The following GPSM2 variants were observed in gnomAD, a reference collection of about 807,000 sequenced individuals.
GPSM2 encodes G protein-signaling modulator 2.
Under a neutral mutation model 78.4 loss-of-function variants are expected in GPSM2, and 58 were observed. The observed-to-expected ratio is 0.74, with a 90% CI of 0.60 to 0.92. GPSM2 has a LOEUF of 0.92. GPSM2 is among the 40% of genes least tolerant of loss of function. The probability of loss-of-function intolerance (pLI) is 0.00; values close to 1 mark genes in which losing one functional copy is unlikely to be tolerated. For synonymous variants in GPSM2, 224 were observed against 280.2 expected, an observed-to-expected ratio of 0.80 and a Z score of 2.00; for missense variants, 700 against 815.5, an observed-to-expected ratio of 0.86 and a Z score of 1.73.
At position 108,932,856 on chromosome 1, in the gene GPSM2, G is replaced by C. The variant is rs1331490130; in HGVS notation, c.*2916G>C. The C allele has an allele frequency of 6.6e-6, 1 of 152,318 alleles. No individual in the cohort carries two copies. Among genetic ancestry groups the C allele is most frequent in the East Asian group, 1.9e-4 (1 of 5,188 alleles). The allele number at this position is 152,318 out of a possible 1,614,324, so 9.4% of individuals were successfully genotyped here. On this transcript the variant is annotated 3_prime_UTR_variant, in exon 15 of 15. Coordinates refer to ENST00000264126, the MANE Select transcript of GPSM2 (RefSeq NM_013296.5). ...ATTTCTTAGAAAAAATCACGTTTCTGATGAAATTCTAAAGATGTTTGCAAT... is the reference window on the plus strand; with the variant it reads ...ATTTCTTAGAAAAAATCACGTTTCTCATGAAATTCTAAAGATGTTTGCAAT...
chr1:108,907,999 G>C (rs1380962179), intron 10 of GPSM2, among the ~76,000 whole-genome samples: 2 of 152,228 alleles, frequency 1.3e-5, no homozygotes, highest in African/African-American at 4.8e-5. Context: ...TTCATCTAAT[G>C]CAATATTTTG....
intron 2 of GPSM2, among the ~76,000 whole-genome samples, chr1:108,894,105 A>C (rs1648178464): frequency 6.6e-6 from 1 of 152,336 alleles, no homozygotes; most frequent in Admixed American, 6.5e-5. Context: ...TATACATAGA[A>C]TATGACAATA....
rs892579833 is a variant in GPSM2, at chr1:108,897,877, T to C, written c.415-82T>C. 43 of 1,447,628 alleles carry C rather than the reference T, an allele frequency of 3.0e-5. 2 individuals carry two copies. Among genetic ancestry groups the C allele is most frequent in the Middle Eastern group, 4.4e-4 (2 of 4,498 alleles). 89.7% of individuals were successfully genotyped at this position (1,447,628 alleles called of 1,614,324 possible). A position where few individuals can be genotyped will look rare whatever the true frequency, so the allele number is the denominator to read the frequency against. ...TATAAAAATTTTTTTCCCTTGTCCG[T>C]AATACTAAGGATATTACAAATATAT... On this transcript the variant is annotated intron_variant, in intron 4 of 14. Coordinates refer to ENST00000264126, the MANE Select transcript of GPSM2 (RefSeq NM_013296.5).
chr1:108,898,624 CT>C lies in GPSM2; in HGVS notation c.558-13del. 2 of 1,612,422 alleles carry C rather than the reference CT, an allele frequency of 1.2e-6. No homozygotes were observed. The highest frequency in any genetic ancestry group is 8.5e-7 in the Non-Finnish European group (1 of 1,178,804). ...GTTCTGCAAACTTATTTTTTCATCA[CT>C]TTTTGCGATCCCTTAGGGAAAACCT... is the stretch of plus-strand genomic sequence containing the variant. On this transcript the variant is annotated splice_polypyrimidine_tract_variant and intron_variant, in intron 5 of 14. Coordinates refer to ENST00000264126, the MANE Select transcript of GPSM2 (RefSeq NM_013296.5).
At chr1:108,879,851 C>T (rs1391366083) in intron 1 of GPSM2, among the ~76,000 whole-genome samples, 1 of 152,170 alleles carries the variant, frequency 6.6e-6, no homozygotes. Flanking sequence ...ATATATGCTT[C>T]TGCCACATGT....
chr1:108,906,319 C>A lies in GPSM2; in HGVS notation c.1192+2065C>A, dbSNP rs1387164840. ...TCTCGAACTCTTGTCCTCAAGAGAT[C>A]TTCCCACCTCAGCTTCTCAAGTAGC... On this transcript the variant is annotated intron_variant, in intron 10 of 14. Transcript: ENST00000264126. Among the ~76,000 whole-genome samples the A allele has an allele frequency of 1.2e-4, 18 of 152,098 alleles. No individual in the cohort carries two copies. The East Asian group carries it at 3.3e-3, about 28-fold the overall frequency.
Position 108,917,119 on chromosome 1 carries a change from G to A in GPSM2, c.1264-1494G>A, listed in dbSNP as rs942117857. Among the ~76,000 whole-genome samples, 11 of 152,176 alleles carry A rather than the reference G, an allele frequency of 7.2e-5. No individual in the cohort carries two copies. The South Asian group carries it at 8.3e-4, about 11-fold the overall frequency. On this transcript the variant is annotated intron_variant, in intron 11 of 14. Transcript: ENST00000264126. ...GAACATTTTTAATTTTTCTTCTTGG[G>A]TTTTGGGTGCAGTTTTATGTTCTCA...
chr1:108,887,617 T>C (rs1397052548), intron 2 of GPSM2, among the ~76,000 whole-genome samples: 2 of 152,206 alleles, frequency 1.3e-5, no homozygotes, highest in African/African-American at 2.4e-5. Flanking sequence ...GCACTGCCTG[T>C]TGCAAGCCAG....
chr1:108,921,257 A>T (rs971220605), intron 12 of GPSM2, among the ~76,000 whole-genome samples: 4 of 152,036 alleles, frequency 2.6e-5, no homozygotes, highest in Admixed American at 2.0e-4. Context: ...CTGACTGTAT[A>T]AAAAATACAA....
At chr1:108,893,324 A>C (rs1285809567) in intron 2 of GPSM2, among the ~76,000 whole-genome samples, 2 of 152,210 alleles carry the variant, frequency 1.3e-5, no homozygotes, top group Admixed American at 1.3e-4. Context: ...CCGGCCAGCA[A>C]CCCAGTCATC....
chr1:108,880,948 T>C (rs926572709), intron 1 of GPSM2, among the ~76,000 whole-genome samples: 2 of 152,212 alleles, frequency 1.3e-5, no homozygotes, highest in Non-Finnish European at 2.9e-5. Context: ...TTGCAAACTT[T>C]TTACTGCCAG....
At chr1:108,892,391 A>C (rs1648034408) in intron 2 of GPSM2, among the ~76,000 whole-genome samples, 1 of 152,244 alleles carries the variant, frequency 6.6e-6, no homozygotes, top group Admixed American at 6.5e-5. Context: ...AGAAGTTAAA[A>C]ATTAAAAGAA....
intron 2 of GPSM2, among the ~76,000 whole-genome samples, chr1:108,889,745 T>G (rs1007187921): frequency 1.3e-5 from 2 of 152,210 alleles, no homozygotes; most frequent in Non-Finnish European, 2.9e-5. Context: ...ACCCGTCGTT[T>G]TGACTTGTCA....
intron 14 of GPSM2, among the ~76,000 whole-genome samples, chr1:108,924,596 C>A (rs1241539478): frequency 6.6e-6 from 1 of 152,078 alleles, no homozygotes; most frequent in African/African-American, 2.4e-5. Flanking sequence ...TTAGAGAAGA[C>A]CTTTCTGGAT....
chr1:108,914,317 A>T (rs1356709961), intron 10 of GPSM2, 21 bp from the exon 11 acceptor site: 1 of 1,555,058 alleles, frequency 6.4e-7, no homozygotes, highest in Non-Finnish European at 8.9e-7. Flanking sequence ...GTTTATTTGA[A>T]TTAATTTTTT....
Position 108,898,155 on chromosome 1 carries a change from G to T in GPSM2, c.557+54G>T, listed in dbSNP as rs867472490. ...GTAGGCCCATCTAAGCCGTGGATCT[G>T]CTGTACGTTCTTTATTCAGTAGTAA... On this transcript the variant is annotated intron_variant, in intron 5 of 14. Coordinates refer to ENST00000264126, the MANE Select transcript of GPSM2 (RefSeq NM_013296.5). 62 of 1,541,626 alleles carry T rather than the reference G, an allele frequency of 4.0e-5. 1 individual carries two copies. The Middle Eastern group carries it at 1.2e-3, about 29-fold the overall frequency.
rs1040325238 is a variant in GPSM2, at chr1:108,934,047, T to C, written c.*4107T>C. On this transcript the variant is annotated 3_prime_UTR_variant, in exon 15 of 15. Coordinates refer to ENST00000264126, the MANE Select transcript of GPSM2 (RefSeq NM_013296.5). ...AAAACAGATTACCAATATAACAAGC[T>C]ATGTTATCTAAATTGCCCTGGCAGT... 2 of 152,264 alleles carry C rather than the reference T, an allele frequency of 1.3e-5. No homozygotes were observed. The highest frequency in any genetic ancestry group is 2.4e-5 in the African/African-American group (1 of 41,466). The allele number at this position is 152,264 out of a possible 1,614,324, so 9.4% of individuals were successfully genotyped here.
At chr1:108,886,303 C>T (rs1183205481) in intron 2 of GPSM2, among the ~76,000 whole-genome samples, 3 of 152,164 alleles carry the variant, frequency 2.0e-5, no homozygotes, top group East Asian at 1.9e-4. Context: ...TACAAACAAG[C>T]GCTGTTCAAA....
intron 2 of GPSM2, among the ~76,000 whole-genome samples, chr1:108,886,993 T>C (rs1272278980): frequency 6.6e-6 from 1 of 152,082 alleles, no homozygotes; most frequent in Non-Finnish European, 1.5e-5. Context: ...TTAAAGCGAT[T>C]CTCTTGTCTC....
Sources: allele counts gnomAD v4.1 joint callset (sites outside exome capture counted in the v4.1 genomes callset), GRCh38; gene constraint gnomAD v4.1.1; transcripts MANE v1.5; gene names NCBI Gene and HGNC (gene_info 2026-07-23, HGNC 2026-07-21).